Variants in AGBL1 observed in about 807,000 individuals in gnomAD.
AGBL1 encodes AGBL carboxypeptidase 1.
In AGBL1, 130 loss-of-function variants were observed where a neutral mutation model predicts 118.9. The ratio of observed to expected loss-of-function variants is 1.09; its 90% CI spans 0.95 to 1.26. The LOEUF (loss-of-function observed/expected upper bound fraction) is 1.26, where lower values mean the gene tolerates loss of function less well. AGBL1 is among the 50% of genes most tolerant of loss of function. AGBL1 has a pLI of 0.00. For missense variants in AGBL1, 1,584 were observed against 1,298.1 expected (o/e 1.22, Z -3.38); for synonymous variants, 555 against 478.9 (o/e 1.16, Z -2.08).
chr15:86,821,767 T>G (rs117369980), intron 22 of AGBL1, among the ~76,000 whole-genome samples: 1 of 152,318 alleles, frequency 6.6e-6, no homozygotes, highest in East Asian at 1.9e-4. Context: ...GTATAATTCT[T>G]AAATCAATCC....
intron 23 of AGBL1, among the ~76,000 whole-genome samples, chr15:86,964,078 T>C (rs1265050648): frequency 6.6e-6 from 1 of 150,848 alleles, no homozygotes; most frequent in Admixed American, 6.6e-5. Flanking sequence ...TTCAAACAAT[T>C]TGGAAGACTC....
chr15:86,761,714 G>C lies in AGBL1; in HGVS notation c.3158+87278G>C, dbSNP rs567075025. Among the ~76,000 whole-genome samples the C allele has an allele frequency of 7.9e-5, 12 of 152,206 alleles. 1 individual carries two copies. The South Asian group carries it at 2.5e-3, about 32-fold the overall frequency. On this transcript the variant is annotated intron_variant, in intron 22 of 22. Coordinates refer to ENST00000614907, the MANE Select transcript of AGBL1 (RefSeq NM_001386094.1). ...AATTGTAAATTTGCTTAAGTTCCTT[G>C]TAGATTCTGGTTATTAGACCTTTGT...
At chr15:86,365,181 A>G (rs544942687) in intron 17 of AGBL1, among the ~76,000 whole-genome samples, 177 of 152,144 alleles carry the variant, frequency 1.2e-3, no homozygotes, top group African/African-American at 4.0e-3. Context: ...AAAAAGTGTC[A>G]CAGCAATGTC....
chr15:86,635,809 C>T (rs749724487), intron 21 of AGBL1, among the ~76,000 whole-genome samples: 65 of 152,248 alleles, frequency 4.3e-4, no homozygotes, highest in South Asian at 1.0e-3. Flanking sequence ...GATTAAAAAA[C>T]ATAATTTATT....
chr15:86,765,694 G>A lies in AGBL1; in HGVS notation c.3158+91258G>A, dbSNP rs74025461. Reference sequence around the variant, plus strand: ...TTGAGGTGAAGAATGACTAGACTTCGGCTTTTTTTTAAAAATTTTTAAAAA... The same window carrying A: ...TTGAGGTGAAGAATGACTAGACTTCAGCTTTTTTTTAAAAATTTTTAAAAA... On this transcript the variant is annotated intron_variant, in intron 22 of 22. Coordinates refer to ENST00000614907, the MANE Select transcript of AGBL1 (RefSeq NM_001386094.1). Among the ~76,000 whole-genome samples, 431 of 151,900 alleles carry A rather than the reference G, an allele frequency of 2.8e-3. 7 individuals carry two copies. Among genetic ancestry groups the A allele is most frequent in the Non-Finnish European group, 6.3e-4 (43 of 67,890 alleles).
At chr15:86,840,274 G>A (rs1292121222) in intron 22 of AGBL1, among the ~76,000 whole-genome samples, 1 of 152,120 alleles carries the variant, frequency 6.6e-6, no homozygotes, top group East Asian at 1.9e-4. Flanking sequence ...AAGAGGGCAA[G>A]TCACAGACAA....
intron 23 of AGBL1, among the ~76,000 whole-genome samples, chr15:86,932,048 T>A (rs1430457790): frequency 6.6e-6 from 1 of 152,168 alleles, no homozygotes; most frequent in East Asian, 1.9e-4. Flanking sequence ...GATTTTAAAT[T>A]TATCTTATCT....
At chr15:86,982,935 G>T (rs1299093082) in intron 23 of AGBL1, among the ~76,000 whole-genome samples, 1 of 152,094 alleles carries the variant, frequency 6.6e-6, no homozygotes, top group East Asian at 1.9e-4. Flanking sequence ...GTATATTCTT[G>T]AGAACCTGTG....
chr15:86,309,718 A>C (rs769100531), intron 17 of AGBL1, among the ~76,000 whole-genome samples: 4 of 152,078 alleles, frequency 2.6e-5, no homozygotes. Flanking sequence ...AATAACATTT[A>C]TTGTTCATGT....
At chr15:86,206,370 A>G (rs1433923822) in intron 5 of AGBL1, among the ~76,000 whole-genome samples, 1 of 152,188 alleles carries the variant, frequency 6.6e-6, no homozygotes, top group Non-Finnish European at 1.5e-5. Flanking sequence ...CTAGTTCTAG[A>G]TCCTTGAGGA....
intron 16 of AGBL1, among the ~76,000 whole-genome samples, chr15:86,283,386 T>A (rs1280263484): frequency 6.6e-6 from 1 of 151,416 alleles, no homozygotes; most frequent in Non-Finnish European, 1.5e-5. Flanking sequence ...TGGGGGAGCT[T>A]AAGGATCTTA....
intron 5 of AGBL1, among the ~76,000 whole-genome samples, chr15:86,215,368 G>A (rs1437867817): frequency 6.6e-6 from 1 of 151,918 alleles, no homozygotes. Context: ...AGGTCCTCCT[G>A]CTTTATCCAC....
chr15:86,945,999 A>G, intron 23 of AGBL1, among the ~76,000 whole-genome samples: 1 of 152,306 alleles, frequency 6.6e-6, no homozygotes, highest in East Asian at 1.9e-4. Flanking sequence ...TATAATTCTC[A>G]TTTTACAGTT....
intron 6 of AGBL1, among the ~76,000 whole-genome samples, chr15:86,242,581 C>T (rs1368927394): frequency 6.6e-6 from 1 of 152,168 alleles, no homozygotes; most frequent in African/African-American, 2.4e-5. Context: ...TTAGGACATG[C>T]AAGGCAGGGA....
Position 86,196,927 on chromosome 15 carries a change from G to A in AGBL1, c.489-27987G>A, listed in dbSNP as rs867876301. On this transcript the variant is annotated intron_variant, in intron 5 of 22. Transcript: ENST00000614907. ...CACACACACACACACACACACACAC[G>A]AAAGGCCATATGAGGACATGCTGAG... 8.2e-3 allele frequency among the ~76,000 whole-genome samples: 970 copies of A among 118,346 alleles called. 12 individuals carry two copies. Among genetic ancestry groups the A allele is most frequent in the African/African-American group, 0.032 (939 of 29,234 alleles). The allele number at this position is 118,346 out of a possible 152,430, so 77.6% of individuals were successfully genotyped here. A position where few individuals can be genotyped will look rare whatever the true frequency, so the allele number is the denominator to read the frequency against.
intron 5 of AGBL1, among the ~76,000 whole-genome samples, chr15:86,163,701 C>G (rs1212158440): frequency 1.3e-5 from 2 of 151,736 alleles, no homozygotes; most frequent in African/African-American, 4.9e-5. Context: ...GCACTCCAGC[C>G]TGTGAGACAG....
At chr15:87,004,195 C>A (rs1428718932) in intron 24 of AGBL1, among the ~76,000 whole-genome samples, 2 of 152,142 alleles carry the variant, frequency 1.3e-5, no homozygotes, top group African/African-American at 4.8e-5. Flanking sequence ...CAAAGAACAT[C>A]TTTATTTCTG....
At chr15:86,437,879 GCCTC>G (rs1354885825) in intron 18 of AGBL1, among the ~76,000 whole-genome samples, 3 of 151,982 alleles carry the variant, frequency 2.0e-5, no homozygotes, top group African/African-American at 7.2e-5. Flanking sequence ...ATCCAGCTAA[GCCTC>G]AGTTTTCTTT....
At chr15:86,829,758 TAC>T (rs1286970417) in intron 22 of AGBL1, among the ~76,000 whole-genome samples, 1 of 152,150 alleles carries the variant, frequency 6.6e-6, no homozygotes, top group Admixed American at 6.5e-5. Context: ...TCCCAAAGCA[TAC>T]AGTTATTTTA....
Sources: allele counts gnomAD v4.1 joint callset (sites outside exome capture counted in the v4.1 genomes callset), GRCh38; gene constraint gnomAD v4.1.1; transcripts MANE v1.5; gene names NCBI Gene and HGNC (gene_info 2026-07-23, HGNC 2026-07-21).